AFF2: variants seen among roughly 807,000 people sequenced by gnomAD.
AFF2 encodes ALF transcription elongation factor 2, also known as AF4/FMR2 family member 2.
A neutral mutation model predicts 76.9 loss-of-function variants in AFF2; 14 were observed. The observed-to-expected ratio is 0.18, with a 90% CI of 0.12 to 0.28. The LOEUF is 0.28. Among genes scored for constraint, AFF2 ranks in the 10% least tolerant of loss-of-function variants. The probability of loss-of-function intolerance (pLI) is 1.00; values close to 1 mark genes in which losing one functional copy is unlikely to be tolerated. For synonymous variants in AFF2, 398 were observed against 366.7 expected (o/e 1.09, Z -0.98); for missense variants, 868 against 1,001.1 (o/e 0.87, Z 1.79).
chrX:148,623,591 A>T (rs1830261289), intron 1 of AFF2, among the ~76,000 whole-genome samples: 1 of 100,898 alleles, frequency 9.9e-6, no homozygotes, highest in African/African-American at 3.8e-5. Context: ...TGTCCCACTC[A>T]AACATTTGAA....
At position 148,944,342 on chromosome X, in the gene AFF2, C is replaced by A. The variant is rs191980384; in HGVS notation, c.1398-9238C>A. ...CTGATATGATTCCTTGTGGGAAGGT[C>A]TTGACCTTGTTGTAGACTCCTGGAG... On this transcript the variant is annotated intron_variant, in intron 9 of 20. Coordinates refer to ENST00000370460, the MANE Select transcript of AFF2 (RefSeq NM_002025.4). Among the ~76,000 whole-genome samples the A allele has an allele frequency of 4.0e-3, 445 of 111,672 alleles. 5 individuals are homozygous for A. The highest frequency in any genetic ancestry group is 0.014 in the African/African-American group (424 of 30,736).
chrX:148,796,983 A>C (rs1557270549), intron 3 of AFF2, among the ~76,000 whole-genome samples: 1 of 112,381 alleles, frequency 8.9e-6, no homozygotes, highest in Admixed American at 9.4e-5. Flanking sequence ...GTTTGGTATT[A>C]AAAATTGAAC....
At chrX:148,927,239 G>C (rs1475062744) in intron 9 of AFF2, among the ~76,000 whole-genome samples, 1 of 112,060 alleles carries the variant, frequency 8.9e-6, no homozygotes, top group African/African-American at 3.2e-5. Flanking sequence ...GAGAGGCAGG[G>C]AGTATGGCTG....
chrX:148,548,309 A>G lies in AFF2; in HGVS notation c.47+47165A>G, dbSNP rs916477351. Among the ~76,000 whole-genome samples, 3 of 111,968 alleles carry G rather than the reference A, an allele frequency of 2.7e-5. No homozygotes were observed. The Admixed American group carries it at 2.8e-4, about 11-fold the overall frequency. On this transcript the variant is annotated intron_variant, in intron 1 of 20. Coordinates refer to ENST00000370460, the MANE Select transcript of AFF2 (RefSeq NM_002025.4). ...CAAAAATGTTTGACTCCCAACCACT[A>G]CTTCCCAAGGTTTTGCCATGCATAG...
chrX:148,657,156 G>A (rs2054261954), intron 2 of AFF2, among the ~76,000 whole-genome samples: 1 of 112,014 alleles, frequency 8.9e-6, no homozygotes, highest in Non-Finnish European at 1.9e-5. Context: ...GACACATAGA[G>A]GTAGAGGCCA....
At chrX:148,811,757 G>A (rs2070205594) in intron 4 of AFF2, among the ~76,000 whole-genome samples, 1 of 111,873 alleles carries the variant, frequency 8.9e-6, no homozygotes. Flanking sequence ...ATGCAGGAAG[G>A]AGGGTGAACA....
At chrX:148,608,371 A>G (rs1295910330) in intron 1 of AFF2, among the ~76,000 whole-genome samples, 1 of 111,652 alleles carries the variant, frequency 9.0e-6, no homozygotes, top group Non-Finnish European at 1.9e-5. Context: ...CATGAAATCT[A>G]AGAAGCACAG....
chrX:148,631,486 T>G, intron 1 of AFF2, among the ~76,000 whole-genome samples: 1 of 112,061 alleles, frequency 8.9e-6, no homozygotes, highest in Middle Eastern at 4.7e-3. Flanking sequence ...TCAGACAGTT[T>G]GGTACCTACA....
In AFF2 at chrX:148,966,866, CTGCTACTGCCAT is replaced by C. The variant is rs1557288804; in HGVS notation, c.2993_3004del (p.Ala998_Ile1001del). 8.3e-7 allele frequency: 1 copy of C among 1,211,340 alleles called. No individual in the cohort carries two copies. Among genetic ancestry groups the C allele is most frequent in the African/African-American group, 1.7e-5 (1 of 57,650 alleles). ...ACTGCTATTGCCACTGCTACTGTCACTGCTACTGCCATTGTCACCACCACTGTCACAGCTACT... is the reference window on the plus strand; with the variant it reads ...ACTGCTATTGCCACTGCTACTGTCACTGTCACCACCACTGTCACAGCTACT... On this transcript the variant is annotated inframe_deletion, in exon 14 of 21. Transcript: ENST00000370460.
chrX:148,694,180 G>C (rs7883760), intron 3 of AFF2, among the ~76,000 whole-genome samples: 49 of 103,027 alleles, frequency 4.8e-4, no homozygotes, highest in East Asian at 4.5e-3. Flanking sequence ...GGGGTCGGGG[G>C]GGGGGAGGGA....
chrX:148,888,342 A>G lies in AFF2; in HGVS notation c.1359+2357A>G, dbSNP rs1346636943. 4.5e-5 allele frequency among the ~76,000 whole-genome samples: 5 copies of G among 112,337 alleles called. No individual in the cohort carries two copies. In the East Asian group the frequency reaches 1.4e-3, roughly 32 times the overall value. On this transcript the variant is annotated intron_variant, in intron 8 of 20. Coordinates refer to ENST00000370460, the MANE Select transcript of AFF2 (RefSeq NM_002025.4). ...TCTTGGTTGTTCGATGTCATGTATC[A>G]GTACTTCATTTTGTTTTATGGCTAA...
chrX:148,577,279 A>ATG (rs199980349), intron 1 of AFF2, among the ~76,000 whole-genome samples: 31 of 109,075 alleles, frequency 2.8e-4, no homozygotes, highest in South Asian at 1.2e-3. Flanking sequence ...ATTACCTTGG[A>ATG]TGTGTGTGTG....
At chrX:148,800,205 A>C (rs1168547180) in intron 3 of AFF2, among the ~76,000 whole-genome samples, 3 of 112,100 alleles carry the variant, frequency 2.7e-5, no homozygotes, top group Admixed American at 1.9e-4. Flanking sequence ...GTCAAAGAAG[A>C]GCAATTGTAA....
intron 3 of AFF2, among the ~76,000 whole-genome samples, chrX:148,692,636 T>C (rs2054665551): frequency 1.8e-5 from 2 of 112,305 alleles, no homozygotes; most frequent in African/African-American, 6.5e-5. Flanking sequence ...GTCATTTATT[T>C]TGTGTCATAC....
At chrX:148,591,960 C>G (rs2053526112) in intron 1 of AFF2, among the ~76,000 whole-genome samples, 1 of 112,145 alleles carries the variant, frequency 8.9e-6, no homozygotes, top group African/African-American at 3.2e-5. Flanking sequence ...TACATTTCCT[C>G]ATTAGCTCTG....
intron 1 of AFF2, among the ~76,000 whole-genome samples, chrX:148,638,624 T>G (rs2054056338): frequency 9.0e-6 from 1 of 111,351 alleles, no homozygotes; most frequent in South Asian, 3.8e-4. Context: ...TGGCTTGGCT[T>G]CTGGGGGAGG....
rs1432477706 is a variant in AFF2 at position 149,000,320 on chromosome X, T to C, written c.*8988T>C. ...AGAATTTCAGTAAGTTCCAATTTCC[T>C]GTACAGACCAGGGTAAACTGTTCTA... is the stretch of plus-strand genomic sequence containing the variant. On this transcript the variant is annotated 3_prime_UTR_variant, in exon 21 of 21. Transcript: ENST00000370460. 2 of 112,836 alleles carry C rather than the reference T, an allele frequency of 1.8e-5. No individual in the cohort carries two copies. Among genetic ancestry groups the C allele is most frequent in the Non-Finnish European group, 3.7e-5 (2 of 53,402 alleles). 9.3% of individuals were successfully genotyped at this position (112,836 alleles called of 1,213,427 possible).
chrX:148,928,891 GA>G lies in AFF2; in HGVS notation c.1397+24634del, dbSNP rs782589630. Among the ~76,000 whole-genome samples the G allele has an allele frequency of 2.8e-4, 31 of 112,405 alleles. No homozygotes were observed. In the East Asian group the frequency reaches 8.1e-3, roughly 29 times the overall value. On this transcript the variant is annotated intron_variant, in intron 9 of 20. Coordinates refer to ENST00000370460, the MANE Select transcript of AFF2 (RefSeq NM_002025.4). ...TCTTATAGATGAGGAAACTGAGGCT[GA>G]GAAAAGTTAATTACTAGTAGTTGAG...
chrX:148,804,805 A>G (rs186015432), intron 3 of AFF2, among the ~76,000 whole-genome samples: 1 of 112,380 alleles, frequency 8.9e-6, no homozygotes, highest in Non-Finnish European at 1.9e-5. Context: ...GTTTAATCAT[A>G]GACTCATGAA....
Sources: allele counts gnomAD v4.1 joint callset (sites outside exome capture counted in the v4.1 genomes callset), GRCh38; gene constraint gnomAD v4.1.1; transcripts MANE v1.5; gene names NCBI Gene and HGNC (gene_info 2026-07-23, HGNC 2026-07-21).